The following ALPK3 variants were observed in gnomAD, a reference collection of about 807,000 sequenced individuals.
ALPK3 encodes the protein alpha-protein kinase 3.
A neutral mutation model predicts 140.0 loss-of-function variants in ALPK3; 102 were observed. The observed-to-expected ratio is 0.73, with a 90% confidence interval of 0.62 to 0.86. The LOEUF is 0.86. ALPK3 is among the 40% of genes least tolerant of loss of function. ALPK3 has a pLI of 0.00. For missense variants in ALPK3, 2,254 were observed against 2,208.2 expected (o/e 1.02, Z -0.42); for synonymous variants, 938 against 898.5 (o/e 1.04, Z -0.79).
rs79586842 is a variant in ALPK3, at chr15:84,822,500, G to A, written c.144-830G>A. 3.9e-3 allele frequency among the ~76,000 whole-genome samples: 593 copies of A among 152,294 alleles called. 6 individuals are homozygous for A. The highest frequency in any genetic ancestry group is 0.014 in the African/African-American group (570 of 41,550). The stretch of plus-strand genomic sequence containing the variant: ...AGCTCTTCTCATGATAGGGACAGCC[G>A]AAGGGAGTGTGGATGGGGTGACCTC... On this transcript the variant is annotated intron_variant, in intron 1 of 13. Transcript: ENST00000258888.
intron 5 of ALPK3, among the ~76,000 whole-genome samples, chr15:84,853,451 A>G (rs373792125): frequency 9.2e-5 from 14 of 151,736 alleles, no homozygotes; most frequent in East Asian, 7.9e-4. Context: ...CATCTCTACT[A>G]AAAAATACAA....
At position 84,862,922 on chromosome 15, in the gene ALPK3, T is replaced by A. The variant is rs1325868308; in HGVS notation, c.4410+7T>A. The A allele has an allele frequency of 1.2e-6, 2 of 1,611,132 alleles. No homozygotes were observed. The highest frequency in any genetic ancestry group is 4.5e-5 in the East Asian group (2 of 44,808). ...CTACGACGTCACCATCCAGGTACTA[T>A]GTCCCATCTTCACACCCCATTCTTT... On this transcript the variant is annotated splice_region_variant and intron_variant, in intron 10 of 13. Coordinates refer to ENST00000258888, the MANE Select transcript of ALPK3 (RefSeq NM_020778.5).
chr15:84,860,427 C>T (rs1287976600), intron 9 of ALPK3, among the ~76,000 whole-genome samples: 1 of 152,122 alleles, frequency 6.6e-6, no homozygotes, highest in African/African-American at 2.4e-5. Flanking sequence ...ACACAGGGAA[C>T]CTGCTAGAAA....
intron 2 of ALPK3, among the ~76,000 whole-genome samples, chr15:84,824,712 C>T (rs1030766488): frequency 6.6e-6 from 1 of 152,166 alleles, no homozygotes; most frequent in Non-Finnish European, 1.5e-5. Flanking sequence ...TTCCACTGAA[C>T]ATCATGAAAA....
chr15:84,820,747 G>A (rs1963412733), intron 1 of ALPK3, among the ~76,000 whole-genome samples: 1 of 152,160 alleles, frequency 6.6e-6, no homozygotes. Flanking sequence ...CTCCCAAAGT[G>A]CTGGGATTAC....
In ALPK3 at chr15:84,827,516, C is replaced by G. The variant is rs781502917; in HGVS notation, c.215C>G (p.Thr72Arg). 5 of 1,614,236 alleles carry G rather than the reference C, an allele frequency of 3.1e-6. No individual in the cohort carries two copies. The highest frequency in any genetic ancestry group is 3.4e-6 in the Non-Finnish European group (4 of 1,180,052). ...STFCSIIAQLTEETQPLFETT... is the reference protein window; with the variant it reads ...STFCSIIAQLREETQPLFETT... ...TTCTGCTCCATCATTGCTCAGCTCA[C>G]AGAGGAGACCCAGCCGCTATTTGAG... The change falls in exon 3 of 14, where the codon ACA (threonine) becomes AGA (arginine). Residue 72 changes from threonine to arginine, a missense_variant. By Grantham distance (71) the Thr-to-Arg change is moderately conservative. Around this residue, in one of 3 missense-constraint regions of ALPK3, gnomAD observed 2,088 missense variants for 2,022.9 expected, o/e 1.03. Transcript: ENST00000258888.
Position 84,858,323 on chromosome 15 carries a change from G to C in ALPK3, c.3585G>C (p.Gly1195=), listed in dbSNP as rs779019960. 1 of 1,562,260 alleles carries C rather than the reference G, an allele frequency of 6.4e-7. No individual in the cohort carries two copies. The highest frequency in any genetic ancestry group is 1.2e-5 in the South Asian group (1 of 85,228). Residue 1195 remains glycine (G), a synonymous_variant, in exon 6 of 14, where the codon GGG becomes GGC. Transcript: ENST00000258888. ...AGAGCCCCACGGTTTCCCCCCGGGG[G>C]CCCAGGAAAAGCCTGGTGCCTGGGT... ...ERESPTVSPR[G]PRKSLVPGSP...
intron 5 of ALPK3, 122 bp from the exon 6 acceptor site, chr15:84,856,270 C>G: frequency 1.4e-6 from 2 of 1,409,728 alleles, no homozygotes; most frequent in African/African-American, 1.4e-5. Context: ...CCTGAGAAAC[C>G]AGGAGGCAAG....
rs1305335324 is a variant in ALPK3 at position 84,870,984 on chromosome 15, T to C, written c.*2528T>C. The stretch of plus-strand genomic sequence containing the variant: ...ATCTAACTTCGAATTCCAGGGGTAA[T>C]GACACGGCTTCTATTCTCCAAAGTC... On this transcript the variant is annotated 3_prime_UTR_variant, in exon 14 of 14. Coordinates refer to ENST00000258888, the MANE Select transcript of ALPK3 (RefSeq NM_020778.5). 3 of 152,492 alleles carry C rather than the reference T, an allele frequency of 2.0e-5. No individual in the cohort carries two copies. Among genetic ancestry groups the C allele is most frequent in the African/African-American group, 7.2e-5 (3 of 41,448 alleles). The allele number at this position is 152,492 out of a possible 1,614,324, so 9.4% of individuals were successfully genotyped here. A position where few individuals can be genotyped will look rare whatever the true frequency, so the allele number is the denominator to read the frequency against.
intron 5 of ALPK3, among the ~76,000 whole-genome samples, chr15:84,851,933 A>G (rs1963807806): frequency 6.6e-6 from 1 of 152,212 alleles, no homozygotes; most frequent in South Asian, 2.1e-4. Context: ...AGATAATGCC[A>G]AATTGCCGTC....
rs746987741 is a variant in ALPK3, at chr15:84,840,177, A to G, written c.898A>G (p.Met300Val). ...HGLLTYICDA[M>V]ELGPQRALKE... Reference sequence around the variant, plus strand: ...CTTGCTGACATACATCTGTGACGCCATGGAGCTGGGGCCTCAGAGAGCCCT... The same window carrying G: ...CTTGCTGACATACATCTGTGACGCCGTGGAGCTGGGGCCTCAGAGAGCCCT... Residue 300 changes from methionine to valine, a missense_variant, in exon 5 of 14, where the codon ATG becomes GTG. By Grantham distance (21) the Met-to-Val change is conservative. This residue lies in a region of ALPK3 where 2,088 missense variants were observed against 2,022.9 expected (regional missense o/e 1.03). Coordinates refer to ENST00000258888, the MANE Select transcript of ALPK3 (RefSeq NM_020778.5). 3.1e-6 allele frequency: 5 copies of G among 1,613,898 alleles called. No homozygotes were observed. In the Admixed American group the frequency reaches 5.0e-5, roughly 16 times the overall value.
chr15:84,821,627 C>T (rs1317028090), intron 1 of ALPK3, among the ~76,000 whole-genome samples: 1 of 152,138 alleles, frequency 6.6e-6, no homozygotes, highest in East Asian at 1.9e-4. Context: ...CAGCAGCTCC[C>T]TCTCGGGGGC....
chr15:84,840,252 C>T lies in ALPK3; in HGVS notation c.973C>T (p.Gln325Ter). Residue 325 changes from glutamine (Q) to a stop codon, truncating the protein, a stop_gained, in exon 5 of 14, where the codon CAA becomes TAA. Coordinates refer to ENST00000258888, the MANE Select transcript of ALPK3 (RefSeq NM_020778.5). LOFTEE classifies it high-confidence loss of function. ...KKKKKDEESK[Q>*]GLRKPELEKA... ...GAAAAAGAAAGATGAGGAATCCAAGCAAGGCCTGCGGAAGCCAGAGTTAGA... is the reference window on the plus strand; with the variant it reads ...GAAAAAGAAAGATGAGGAATCCAAGTAAGGCCTGCGGAAGCCAGAGTTAGA... The T allele has an allele frequency of 2.5e-6, 4 of 1,613,800 alleles. No individual in the cohort carries two copies. The highest frequency in any genetic ancestry group is 3.4e-6 in the Non-Finnish European group (4 of 1,180,032).
rs1486172306 is a variant in ALPK3 at position 84,869,678 on chromosome 15, C to T, written c.*1222C>T. The T allele has an allele frequency of 6.6e-6, 1 of 152,570 alleles. No individual in the cohort carries two copies. Among genetic ancestry groups the T allele is most frequent in the East Asian group, 1.9e-4 (1 of 5,164 alleles). The allele number at this position is 152,570 out of a possible 1,614,324, so 9.5% of individuals were successfully genotyped here. Reference sequence around the variant, plus strand: ...CCTTCCAGAGCATCCCTCCTGGAGGCCTGGGATGGGGTAGGTCTGCAGCTA... The same window carrying T: ...CCTTCCAGAGCATCCCTCCTGGAGGTCTGGGATGGGGTAGGTCTGCAGCTA... On this transcript the variant is annotated 3_prime_UTR_variant, in exon 14 of 14. Coordinates refer to ENST00000258888, the MANE Select transcript of ALPK3 (RefSeq NM_020778.5).
rs559406114 is a variant in ALPK3 at position 84,871,601 on chromosome 15, G to A, written c.*3145G>A. The A allele has an allele frequency of 5.3e-5, 8 of 152,362 alleles. No homozygotes were observed. The highest frequency in any genetic ancestry group is 2.1e-4 in the South Asian group (1 of 4,826). The allele number at this position is 152,362 out of a possible 1,614,324, so 9.4% of individuals were successfully genotyped here. A position where few individuals can be genotyped will look rare whatever the true frequency, so the allele number is the denominator to read the frequency against. On this transcript the variant is annotated 3_prime_UTR_variant, in exon 14 of 14. Transcript: ENST00000258888. ...AATAGCAGGGCCATGTCCACACTGCGTCCTATCCCTGAAGGAGAAACAGCG... is the reference window on the plus strand; with the variant it reads ...AATAGCAGGGCCATGTCCACACTGCATCCTATCCCTGAAGGAGAAACAGCG...
intron 9 of ALPK3, 27 bp from the exon 10 acceptor site, chr15:84,862,608 T>C: frequency 6.3e-7 from 1 of 1,575,406 alleles, no homozygotes; most frequent in Non-Finnish European, 8.6e-7. Flanking sequence ...GCTCCTGGTC[T>C]CCCACATTTC....
chr15:84,862,746 G>T lies in ALPK3; in HGVS notation c.4241G>T (p.Gly1414Val). The T allele has an allele frequency of 2.5e-6, 4 of 1,614,176 alleles. No homozygotes were observed. Among genetic ancestry groups the T allele is most frequent in the Non-Finnish European group, 3.4e-6 (4 of 1,180,032 alleles). ...CTGGTAAGCGAGGAGCTCCGAGGGG[G>T]TGGATATGGGTGTGGCCTTCGGAAG... is the stretch of plus-strand genomic sequence containing the variant. ...GRLVSEELRG[G>V]GYGCGLRKAS... The change falls in exon 10 of 14, where the codon GGT becomes GTT. Residue 1414 changes from glycine (G) to valine (V), a missense_variant. Around this residue, in one of 3 missense-constraint regions of ALPK3, gnomAD observed 2,088 missense variants for 2,022.9 expected, o/e 1.03. Transcript: ENST00000258888.
chr15:84,866,904 G>A (rs1240467550), intron 12 of ALPK3, among the ~76,000 whole-genome samples: 2 of 152,148 alleles, frequency 1.3e-5, no homozygotes, highest in East Asian at 3.9e-4. Context: ...TTGCATAGCT[G>A]GAAGAGTTTT....
rs1964024754 is a variant in ALPK3 at position 84,868,271 on chromosome 15, G to T, written c.4933G>T (p.Ala1645Ser). 15 of 1,614,056 alleles carry T rather than the reference G, an allele frequency of 9.3e-6. No individual in the cohort carries two copies. The East Asian group carries it at 3.3e-4, about 36-fold the overall frequency. ...AKAKGSKSPSAGRKGSQLSPQ... is the reference protein window; with the variant it reads ...AKAKGSKSPSSGRKGSQLSPQ... The stretch of plus-strand genomic sequence containing the variant: ...AGCCAAAGGCTCTAAGAGTCCATCT[G>T]CTGGCAGGAAAGGCTCCCAGCTGAG... The change falls in exon 14 of 14, where the codon GCT (alanine) becomes TCT (serine). Residue 1645 changes from alanine to serine, a missense_variant. This residue lies in a region of ALPK3 where 158 missense variants were observed against 159.8 expected (regional missense o/e 0.99). Transcript: ENST00000258888.
Sources: gnomAD v4.1 joint callset for allele counts (sites outside exome capture counted in the v4.1 genomes callset) on GRCh38, gnomAD v4.1.1 for gene constraint, gnomAD v4.1.1 regional missense constraint, MANE v1.5 for transcripts, NCBI Gene and HGNC (gene_info 2026-07-23, HGNC 2026-07-21) for gene names.